The following KLHL29 variants were observed in gnomAD, a reference collection of about 807,000 sequenced individuals.
The protein encoded by KLHL29 is kelch like family member 29, also known as kelch-like protein 29.
In KLHL29, 21 loss-of-function variants were observed where a neutral mutation model predicts 80.4. The ratio of observed to expected loss-of-function variants is 0.26; its 90% confidence interval spans 0.19 to 0.38. KLHL29 has a LOEUF of 0.38. Ranked by LOEUF, KLHL29 falls within the 10% of genes least tolerant of loss-of-function variation. The pLI is 1.00. For missense variants in KLHL29, 867 were observed against 1,223.9 expected, an observed-to-expected ratio of 0.71 and a Z score of 4.35; for synonymous variants, 511 against 526.8, an observed-to-expected ratio of 0.97 and a Z score of 0.41.
intron 1 of KLHL29, among the ~76,000 whole-genome samples, chr2:23,413,496 T>C (rs913722666): frequency 6.6e-6 from 1 of 152,152 alleles, no homozygotes; most frequent in African/African-American, 2.4e-5. Context: ...CGGGCAGAGG[T>C]TAATTGAAAA....
chr2:23,391,668 C>T lies in KLHL29; in HGVS notation c.-154+5888C>T, dbSNP rs553172361. On this transcript the variant is annotated intron_variant, in intron 1 of 13. Coordinates refer to ENST00000486442, the MANE Select transcript of KLHL29 (RefSeq NM_052920.2). ...CAGGCTGGTCTCGAACTCCCAACCT[C>T]AGGTAATTCGCCTGTCTCTGCCTCC... Among the ~76,000 whole-genome samples, 11 of 152,294 alleles carry T rather than the reference C, an allele frequency of 7.2e-5. No individual in the cohort carries two copies. The South Asian group carries it at 1.2e-3, about 17-fold the overall frequency.
intron 5 of KLHL29, among the ~76,000 whole-genome samples, chr2:23,655,113 A>T (rs1447715436): frequency 6.6e-6 from 1 of 152,190 alleles, no homozygotes; most frequent in Non-Finnish European, 1.5e-5. Context: ...GTGGGTAGGT[A>T]GATGGAATTC....
In KLHL29 at chr2:23,506,230, C is replaced by T. The variant is rs138123807; in HGVS notation, c.-46+30563C>T. 6.6e-5 allele frequency among the ~76,000 whole-genome samples: 10 copies of T among 152,374 alleles called. No individual in the cohort carries two copies. In the East Asian group the frequency reaches 1.9e-3, roughly 29 times the overall value. The stretch of plus-strand genomic sequence containing the variant: ...ATGTTGCAACAGGCTGGACAGCTTG[C>T]CGTTGTTCACAGGTCATCCGCTAGA... On this transcript the variant is annotated intron_variant, in intron 2 of 13. Coordinates refer to ENST00000486442, the MANE Select transcript of KLHL29 (RefSeq NM_052920.2).
At chr2:23,537,720 A>G (rs1463456969) in intron 2 of KLHL29, among the ~76,000 whole-genome samples, 2 of 152,164 alleles carry the variant, frequency 1.3e-5, no homozygotes, top group Non-Finnish European at 2.9e-5. Flanking sequence ...GAGCTTGGCC[A>G]CCTGCAAGAA....
At position 23,547,277 on chromosome 2, in the gene KLHL29, G is replaced by A. The variant is rs986440429; in HGVS notation, c.-45-14875G>A. On this transcript the variant is annotated intron_variant, in intron 2 of 13. Coordinates refer to ENST00000486442, the MANE Select transcript of KLHL29 (RefSeq NM_052920.2). ...GGCGATGCTGCCATTCTCATTACCCGATTCCGAGCCTGGGTCCGGCCAGAG... is the reference window on the plus strand; with the variant it reads ...GGCGATGCTGCCATTCTCATTACCCAATTCCGAGCCTGGGTCCGGCCAGAG... Among the ~76,000 whole-genome samples the A allele has an allele frequency of 7.9e-5, 12 of 152,172 alleles. No individual in the cohort carries two copies. The South Asian group carries it at 1.2e-3, about 16-fold the overall frequency.
At chr2:23,519,017 G>A (rs578132026) in intron 2 of KLHL29, among the ~76,000 whole-genome samples, 44 of 152,212 alleles carry the variant, frequency 2.9e-4, no homozygotes, top group East Asian at 2.7e-3. Context: ...GTGAGGGCTG[G>A]GCTGCCAGGC....
At chr2:23,545,684 C>T (rs1181211012) in intron 2 of KLHL29, among the ~76,000 whole-genome samples, 11 of 152,210 alleles carry the variant, frequency 7.2e-5, no homozygotes, top group Admixed American at 3.3e-4. Flanking sequence ...GATTAGGCCC[C>T]GGCTACACTG....
rs556749486 is a variant in KLHL29, at chr2:23,692,191, G to A, written c.1282+315G>A. Reference sequence around the variant, plus strand: ...TGCATGTGCTCTGTTTGTGGGGAAAGGCTATGGCCCTGGCCTCACAGTCCT... The same window carrying A: ...TGCATGTGCTCTGTTTGTGGGGAAAAGCTATGGCCCTGGCCTCACAGTCCT... On this transcript the variant is annotated intron_variant, in intron 7 of 13. Coordinates refer to ENST00000486442, the MANE Select transcript of KLHL29 (RefSeq NM_052920.2). Among the ~76,000 whole-genome samples the A allele has an allele frequency of 2.0e-5, 3 of 152,370 alleles. No homozygotes were observed. The South Asian group carries it at 6.2e-4, about 32-fold the overall frequency.
intron 1 of KLHL29, among the ~76,000 whole-genome samples, chr2:23,428,707 C>T (rs1663074535): frequency 6.6e-6 from 1 of 152,090 alleles, no homozygotes; most frequent in Admixed American, 6.5e-5. Context: ...TGAACAATGT[C>T]CCTCTTCTCG....
At chr2:23,421,505 A>T (rs1239094933) in intron 1 of KLHL29, among the ~76,000 whole-genome samples, 2 of 150,300 alleles carry the variant, frequency 1.3e-5, no homozygotes, top group Admixed American at 1.3e-4. Context: ...GAATGTCAGG[A>T]AGGAAGGTTT....
chr2:23,664,110 C>A lies in KLHL29; in HGVS notation c.941-20289C>A, dbSNP rs1311013981. On this transcript the variant is annotated intron_variant, in intron 5 of 13. Coordinates refer to ENST00000486442, the MANE Select transcript of KLHL29 (RefSeq NM_052920.2). ...CCATAATAAAACATTGCGCCTACAA[C>A]TATGTTTATGAAAGCAACAGATAGG... is the stretch of plus-strand genomic sequence containing the variant. Among the ~76,000 whole-genome samples, 7 of 152,288 alleles carry A rather than the reference C, an allele frequency of 4.6e-5. No individual in the cohort carries two copies. In the East Asian group the frequency reaches 1.3e-3, roughly 29 times the overall value.
rs538054188 is a variant in KLHL29, at chr2:23,455,009, G to C, written c.-153-20551G>C. 1.9e-3 allele frequency among the ~76,000 whole-genome samples: 178 copies of C among 96,114 alleles called. 1 individual carries two copies. Among genetic ancestry groups the C allele is most frequent in the African/African-American group, 0.012 (166 of 13,284 alleles). 63.1% of individuals were successfully genotyped at this position (96,114 alleles called of 152,430 possible). On this transcript the variant is annotated intron_variant, in intron 1 of 13. Transcript: ENST00000486442. ...AAACAGGAACAGTGGGTTGGGGGGG[G>C]GGCATTTATTTCTCTCGCATCTGCA...
chr2:23,449,483 G>T (rs763120907), intron 1 of KLHL29, among the ~76,000 whole-genome samples: 1 of 152,170 alleles, frequency 6.6e-6, no homozygotes, highest in African/African-American at 2.4e-5. Flanking sequence ...CACTTAGGTG[G>T]CTCTGCTTAT....
At position 23,633,757 on chromosome 2, in the gene KLHL29, G is replaced by C. The variant is rs76565753; in HGVS notation, c.286-5382G>C. ...CTCTGTCAAAAGAGTCACAGCACTCGTGTGTGTGTGTGTGTGTGTGTGTGT... is the reference window on the plus strand; with the variant it reads ...CTCTGTCAAAAGAGTCACAGCACTCCTGTGTGTGTGTGTGTGTGTGTGTGT... On this transcript the variant is annotated intron_variant, in intron 3 of 13. Coordinates refer to ENST00000486442, the MANE Select transcript of KLHL29 (RefSeq NM_052920.2). 5.9e-3 allele frequency among the ~76,000 whole-genome samples: 16 copies of C among 2,720 alleles called. No individual in the cohort carries two copies. In the East Asian group the frequency reaches 0.44, roughly 76 times the overall value. The allele number at this position is 2,720 out of a possible 152,430, so 1.8% of individuals were successfully genotyped here. A position where few individuals can be genotyped will look rare whatever the true frequency, so the allele number is the denominator to read the frequency against.
intron 2 of KLHL29, among the ~76,000 whole-genome samples, chr2:23,541,686 C>A (rs1297587001): frequency 6.6e-6 from 1 of 151,106 alleles, no homozygotes; most frequent in Non-Finnish European, 1.5e-5. Context: ...GTCTCGGACA[C>A]AGTGCATTCA....
At chr2:23,622,822 T>TG (rs2149144338) in intron 3 of KLHL29, among the ~76,000 whole-genome samples, 1 of 152,350 alleles carries the variant, frequency 6.6e-6, no homozygotes, top group Admixed American at 6.5e-5. Flanking sequence ...TTTGCACATA[T>TG]TAGTTCATAA....
chr2:23,655,903 CG>C (rs1369969768), intron 5 of KLHL29, among the ~76,000 whole-genome samples: 1 of 152,174 alleles, frequency 6.6e-6, no homozygotes, highest in Admixed American at 6.5e-5. Flanking sequence ...AATCATCACG[CG>C]GCATCCCCTG....
At chr2:23,512,944 C>G (rs1432253811) in intron 2 of KLHL29, among the ~76,000 whole-genome samples, 4 of 152,250 alleles carry the variant, frequency 2.6e-5, no homozygotes, top group Non-Finnish European at 4.4e-5. Flanking sequence ...TGTGTCCCTT[C>G]AAACCCAGTC....
intron 5 of KLHL29, among the ~76,000 whole-genome samples, chr2:23,658,514 C>T (rs1572472854): frequency 2.0e-5 from 3 of 152,288 alleles, no homozygotes; most frequent in East Asian, 1.9e-4. Flanking sequence ...TGACACTGGC[C>T]GTGGCTCCTC....
Sources: gnomAD v4.1 joint callset for allele counts (sites outside exome capture counted in the v4.1 genomes callset) on GRCh38, gnomAD v4.1.1 for gene constraint, MANE v1.5 for transcripts, NCBI Gene and HGNC (gene_info 2026-07-23, HGNC 2026-07-21) for gene names.